The following MACROD2 variants were observed in gnomAD, a reference collection of about 807,000 sequenced individuals.
MACROD2 encodes ADP-ribose glycohydrolase MACROD2.
In MACROD2, 36 loss-of-function variants were observed where a neutral mutation model predicts 70.4. That is an observed-to-expected ratio of 0.51 (90% confidence interval 0.39 to 0.68). MACROD2 has a LOEUF of 0.68. Ranked by LOEUF, MACROD2 falls within the 30% of genes least tolerant of loss-of-function variation. MACROD2 has a pLI of 0.00. For synonymous variants in MACROD2, 172 were observed against 178.8 expected, an observed-to-expected ratio of 0.96 and a Z score of 0.30; for missense variants, 496 against 538.4, an observed-to-expected ratio of 0.92 and a Z score of 0.78.
intron 6 of MACROD2, among the ~76,000 whole-genome samples, chr20:15,345,207 T>A (rs1023736313): frequency 1.3e-5 from 2 of 152,184 alleles, no homozygotes; most frequent in African/African-American, 4.8e-5. Flanking sequence ...TTTCAACATA[T>A]GAATTTTGGG....
intron 5 of MACROD2, among the ~76,000 whole-genome samples, chr20:14,862,644 T>TATATATAAATATATATATAA (rs1299865896): frequency 8.0e-4 from 8 of 9,970 alleles, no homozygotes; most frequent in African/African-American, 1.7e-3. Flanking sequence ...TATATATAAA[T>TATATATAAATATATATATAA]ATATATATAT....
intron 3 of MACROD2, among the ~76,000 whole-genome samples, chr20:14,313,966 G>T (rs2082590215): frequency 6.6e-6 from 1 of 152,166 alleles, no homozygotes; most frequent in African/African-American, 2.4e-5. Context: ...CAATAAAAGT[G>T]ATTCTAATAC....
intron 5 of MACROD2, among the ~76,000 whole-genome samples, chr20:14,719,118 G>A (rs1003577853): frequency 6.6e-6 from 1 of 152,044 alleles, no homozygotes; most frequent in African/African-American, 2.4e-5. Context: ...TGTAGTCCCA[G>A]CTACTTGGGA....
chr20:15,361,658 CCTT>C (rs1267017652), intron 6 of MACROD2, among the ~76,000 whole-genome samples: 1 of 152,062 alleles, frequency 6.6e-6, no homozygotes, highest in Non-Finnish European at 1.5e-5. Context: ...AAATTGATAT[CCTT>C]ATTATGTCGA....
rs945022835 is a variant in MACROD2 at position 15,197,153 on chromosome 20, G to C, written c.419-32787G>C. On this transcript the variant is annotated intron_variant, in intron 5 of 17. Transcript: ENST00000684519. The stretch of plus-strand genomic sequence containing the variant: ...CCATATATGAGTGACTCTTTTTTAA[G>C]GTACCTTTAATCTTTTCTTCATTTA... 3 of 339,688 alleles carry C rather than the reference G, an allele frequency of 8.8e-6. No homozygotes were observed. In the South Asian group the frequency reaches 3.5e-4, roughly 40 times the overall value. The allele number at this position is 339,688 out of a possible 1,614,324, so 21.0% of individuals were successfully genotyped here.
At chr20:15,533,468 A>G (rs1055017972) in intron 8 of MACROD2, among the ~76,000 whole-genome samples, 2 of 152,038 alleles carry the variant, frequency 1.3e-5, no homozygotes, top group African/African-American at 4.8e-5. Context: ...GTGTAGTTGT[A>G]ATACTTTAGA....
intron 3 of MACROD2, among the ~76,000 whole-genome samples, chr20:14,243,594 AG>A (rs2081946366): frequency 6.6e-6 from 1 of 152,170 alleles, no homozygotes; most frequent in Admixed American, 6.5e-5. Context: ...TTTGGCTAAG[AG>A]CCCCTTGGGA....
rs2073179222 is a variant in MACROD2 at position 14,849,729 on chromosome 20, T to C, written c.418+164770T>C. ...CTGGGAGGTGGAGGTTGCAGTGAACTGAGATTGCGCCAGTGCACTCCAACC... is the reference window on the plus strand; with the variant it reads ...CTGGGAGGTGGAGGTTGCAGTGAACCGAGATTGCGCCAGTGCACTCCAACC... On this transcript the variant is annotated intron_variant, in intron 5 of 17. Coordinates refer to ENST00000684519, the MANE Select transcript of MACROD2 (RefSeq NM_001351661.2). 1.3e-5 allele frequency among the ~76,000 whole-genome samples: 2 copies of C among 152,110 alleles called. 1 individual carries two copies. The highest frequency in any genetic ancestry group is 4.1e-4 in the South Asian group (2 of 4,834).
intron 8 of MACROD2, among the ~76,000 whole-genome samples, chr20:15,633,157 C>T (rs2146755735): frequency 6.6e-6 from 1 of 152,172 alleles, no homozygotes; most frequent in African/African-American, 2.4e-5. Context: ...GGACATTGCA[C>T]TTGTGTAATT....
intron 4 of MACROD2, among the ~76,000 whole-genome samples, chr20:14,515,082 G>A (rs1296074347): frequency 3.3e-5 from 5 of 152,046 alleles, no homozygotes; most frequent in African/African-American, 9.7e-5. Context: ...TGAAAAAAGA[G>A]CATTCAAAAG....
At chr20:14,989,286 A>G (rs2074878593) in intron 5 of MACROD2, among the ~76,000 whole-genome samples, 2 of 152,102 alleles carry the variant, frequency 1.3e-5, no homozygotes, top group Non-Finnish European at 2.9e-5. Context: ...TTTGGTGTTG[A>G]TTTGGATCTG....
chr20:14,021,750 C>A (rs6135041), intron 2 of MACROD2, among the ~76,000 whole-genome samples: 1 of 152,174 alleles, frequency 6.6e-6, no homozygotes, highest in Non-Finnish European at 1.5e-5. Context: ...AAGTTTATTT[C>A]TAGTTTACCT....
At chr20:14,384,519 G>A (rs541828026) in intron 3 of MACROD2, among the ~76,000 whole-genome samples, 2 of 151,618 alleles carry the variant, frequency 1.3e-5, no homozygotes, top group African/African-American at 2.4e-5. Flanking sequence ...TGGAGAGAAG[G>A]CTATTGCCAA....
chr20:15,235,771 A>T (rs1186321668), intron 6 of MACROD2, among the ~76,000 whole-genome samples: 1 of 152,198 alleles, frequency 6.6e-6, no homozygotes, highest in African/African-American at 2.4e-5. Flanking sequence ...ACACGTCTGC[A>T]GCCTTAAAAA....
intron 5 of MACROD2, among the ~76,000 whole-genome samples, chr20:15,004,775 C>T (rs2075023029): frequency 6.6e-6 from 1 of 152,136 alleles, no homozygotes; most frequent in Admixed American, 6.5e-5. Context: ...AAACTGTTTA[C>T]TGTTAAATGC....
chr20:14,858,010 T>C (rs960435793), intron 5 of MACROD2, among the ~76,000 whole-genome samples: 1 of 151,914 alleles, frequency 6.6e-6, no homozygotes, highest in Non-Finnish European at 1.5e-5. Context: ...TAGTAGAGAC[T>C]GGGTTTCACC....
intron 5 of MACROD2, among the ~76,000 whole-genome samples, chr20:15,100,946 A>G (rs2075867715): frequency 6.6e-6 from 1 of 152,158 alleles, no homozygotes; most frequent in Non-Finnish European, 1.5e-5. Flanking sequence ...CCACCAAGAA[A>G]GATTCTCTGC....
chr20:15,957,746 C>T (rs1225652397), intron 12 of MACROD2, among the ~76,000 whole-genome samples: 1 of 152,174 alleles, frequency 6.6e-6, no homozygotes, highest in Non-Finnish European at 1.5e-5. Flanking sequence ...GAACAGATGG[C>T]CTTATCTGGC....
chr20:15,729,903 A>G (rs771156151), intron 8 of MACROD2, among the ~76,000 whole-genome samples: 2 of 131,346 alleles, frequency 1.5e-5, no homozygotes, highest in Admixed American at 1.8e-4. Flanking sequence ...ATCTCAGCTC[A>G]CTGCAAACTC....
Sources: gnomAD v4.1 joint callset for allele counts (sites outside exome capture counted in the v4.1 genomes callset) on GRCh38, gnomAD v4.1.1 for gene constraint, MANE v1.5 for transcripts, NCBI Gene and HGNC (gene_info 2026-07-23, HGNC 2026-07-21) for gene names.